The following SYNPR variants were observed in gnomAD, a reference collection of about 807,000 sequenced individuals.
The protein encoded by SYNPR is synaptoporin.
In SYNPR, 23 loss-of-function variants were observed where a neutral mutation model predicts 32.9. The observed-to-expected ratio is 0.70, with a 90% CI of 0.50 to 0.99. The LOEUF (loss-of-function observed/expected upper bound fraction) is 0.99, where lower values mean the gene tolerates loss of function less well. SYNPR is among the 50% of genes least tolerant of loss of function. SYNPR has a pLI of 0.00. For missense variants in SYNPR, 318 were observed against 349.3 expected (o/e 0.91, Z 0.71); for synonymous variants, 146 against 135.9 (o/e 1.07, Z -0.52).
chr3:63,487,254 C>T lies in SYNPR; in HGVS notation c.209+6298C>T, dbSNP rs1701174013. ...GTGTAGCTTGGACTCTAGAGACAGACTACATAGATTCAAATCTTCCACTCA... is the reference window on the plus strand; with the variant it reads ...GTGTAGCTTGGACTCTAGAGACAGATTACATAGATTCAAATCTTCCACTCA... On this transcript the variant is annotated intron_variant, in intron 3 of 5. Coordinates refer to ENST00000478300, the MANE Select transcript of SYNPR (RefSeq NM_001130003.2). 2.0e-5 allele frequency among the ~76,000 whole-genome samples: 3 copies of T among 152,214 alleles called. No individual in the cohort carries two copies. The South Asian group carries it at 6.2e-4, about 32-fold the overall frequency.
Position 63,556,569 on chromosome 3 carries a change from C to A in SYNPR, c.236C>A (p.Pro79His). The A allele has an allele frequency of 3.7e-6, 6 of 1,613,254 alleles. No individual in the cohort carries two copies. Among genetic ancestry groups the A allele is most frequent in the Non-Finnish European group, 5.1e-6 (6 of 1,179,602 alleles). The stretch of plus-strand genomic sequence containing the variant: ...TTGCACCAGGTGACGTTTGAGGTGC[C>A]CACCTGCGAGGGAAAGGAACGGCAG... ...FRLHQVTFEV[P>H]TCEGKERQKL... Residue 79 changes from proline to histidine, a missense_variant, in exon 4 of 6, where the codon CCC (proline) becomes CAC (histidine). Coordinates refer to ENST00000478300, the MANE Select transcript of SYNPR (RefSeq NM_001130003.2).
At chr3:63,241,144 C>G (rs74783986) in intron 1 of SYNPR, among the ~76,000 whole-genome samples, 28 of 152,262 alleles carry the variant, frequency 1.8e-4, no homozygotes, top group Non-Finnish European at 3.8e-4. Flanking sequence ...AGTCTCCCAC[C>G]TTGCTCAAGA....
intron 2 of SYNPR, among the ~76,000 whole-genome samples, chr3:63,346,920 ATATGAG>A (rs1435392789): frequency 1.3e-5 from 2 of 152,330 alleles, no homozygotes; most frequent in East Asian, 3.9e-4. Flanking sequence ...TATTCTATGG[ATATGAG>A]TATAAGATTA....
intron 2 of SYNPR, among the ~76,000 whole-genome samples, chr3:63,311,467 C>T (rs2086963568): frequency 2.6e-5 from 4 of 152,014 alleles, no homozygotes; most frequent in Non-Finnish European, 5.9e-5. Context: ...AGATCAGCAG[C>T]AGCATTCACC....
intron 3 of SYNPR, among the ~76,000 whole-genome samples, chr3:63,520,674 A>AAG (rs1701894638): frequency 6.7e-6 from 1 of 149,756 alleles, no homozygotes; most frequent in Admixed American, 6.7e-5. Context: ...CTCCATCTCA[A>AAG]AAAAAAAAAA....
chr3:63,304,943 T>C (rs1200899753), intron 2 of SYNPR, among the ~76,000 whole-genome samples: 3 of 152,152 alleles, frequency 2.0e-5, no homozygotes, highest in Admixed American at 1.3e-4. Context: ...ATATTACTTA[T>C]AGAACAGTGG....
chr3:63,507,742 C>T (rs991508431), intron 3 of SYNPR, among the ~76,000 whole-genome samples: 1 of 151,990 alleles, frequency 6.6e-6, no homozygotes, highest in Non-Finnish European at 1.5e-5. Context: ...GTATATATCA[C>T]CTCCGTGATT....
At chr3:63,374,363 A>G (rs2087857133) in intron 2 of SYNPR, among the ~76,000 whole-genome samples, 1 of 152,076 alleles carries the variant, frequency 6.6e-6, no homozygotes, top group South Asian at 2.1e-4. Context: ...GCATATTCTC[A>G]CTTATAAATG....
chr3:63,583,576 A>G (rs1303626166), intron 4 of SYNPR, among the ~76,000 whole-genome samples: 1 of 152,128 alleles, frequency 6.6e-6, no homozygotes, highest in Non-Finnish European at 1.5e-5. Flanking sequence ...ATTTTTATGT[A>G]GCTAACAAGG....
chr3:63,205,424 C>G, the SYNPR span, among the ~76,000 whole-genome samples: 1 of 152,320 alleles, frequency 6.6e-6, no homozygotes, highest in East Asian at 1.9e-4. Flanking sequence ...TCATGTAATA[C>G]TTAGCCTAGT....
chr3:63,529,160 T>C (rs1702067596), intron 3 of SYNPR, among the ~76,000 whole-genome samples: 1 of 152,186 alleles, frequency 6.6e-6, no homozygotes, highest in South Asian at 2.1e-4. Flanking sequence ...TCAGTATCCA[T>C]GGGGGACCCC....
chr3:63,324,537 T>C (rs2087144340), intron 2 of SYNPR, among the ~76,000 whole-genome samples: 1 of 152,158 alleles, frequency 6.6e-6, no homozygotes, highest in Non-Finnish European at 1.5e-5. Flanking sequence ...ATTATGGGAC[T>C]ACTGCACCAG....
intron 5 of SYNPR, among the ~76,000 whole-genome samples, chr3:63,611,574 C>A (rs529253723): frequency 1.2e-3 from 185 of 152,346 alleles, no homozygotes; most frequent in South Asian, 3.3e-3. Context: ...GGAAGGCTGC[C>A]AGGAAGCTGG....
chr3:63,491,650 A>G (rs900954776), intron 3 of SYNPR, among the ~76,000 whole-genome samples: 4 of 152,038 alleles, frequency 2.6e-5, no homozygotes, highest in Non-Finnish European at 5.9e-5. Context: ...CCTCCCGAGT[A>G]GTTGGGAGTA....
At chr3:63,449,859 A>T (rs959585528) in intron 2 of SYNPR, among the ~76,000 whole-genome samples, 2 of 152,180 alleles carry the variant, frequency 1.3e-5, no homozygotes, top group Non-Finnish European at 2.9e-5. Context: ...GACAATATTA[A>T]AATATTATCA....
intron 4 of SYNPR, among the ~76,000 whole-genome samples, chr3:63,591,640 G>A (rs1433396501): frequency 1.4e-5 from 2 of 138,060 alleles, no homozygotes; most frequent in Non-Finnish European, 3.1e-5. Flanking sequence ...AAAATGATGA[G>A]TTCATGTCCT....
At chr3:63,395,184 T>A (rs184848631) in intron 2 of SYNPR, among the ~76,000 whole-genome samples, 1 of 152,210 alleles carries the variant, frequency 6.6e-6, no homozygotes, top group South Asian at 2.1e-4. Context: ...GGGAGAAAGC[T>A]GTTGGATAGC....
At chr3:63,343,052 T>C (rs191010404) in intron 2 of SYNPR, among the ~76,000 whole-genome samples, 430 of 152,112 alleles carry the variant, frequency 2.8e-3, no homozygotes, top group Non-Finnish European at 4.8e-3. Context: ...ATGGAAAACA[T>C]TAGAGAAAGA....
At chr3:63,345,820 CT>C (rs56394319) in intron 2 of SYNPR, among the ~76,000 whole-genome samples, 32,047 of 148,422 alleles carry the variant, frequency 0.22, 3,808 homozygotes, top group South Asian at 0.39. Context: ...TTTTCTGGAA[CT>C]TTTTTTTTTT....
Sources: allele counts gnomAD v4.1 joint callset (sites outside exome capture counted in the v4.1 genomes callset), GRCh38; gene constraint gnomAD v4.1.1; transcripts MANE v1.5; gene names NCBI Gene and HGNC (gene_info 2026-07-23, HGNC 2026-07-21).